BORCS5: variants seen among roughly 807,000 people sequenced by gnomAD.
BORCS5 encodes the protein BLOC-1 related complex subunit 5, also known as BLOC-1-related complex subunit 5.
A neutral mutation model predicts 22.1 loss-of-function variants in BORCS5; 17 were observed. That is an observed-to-expected ratio of 0.77 (90% confidence interval 0.53 to 1.15). The LOEUF (loss-of-function observed/expected upper bound fraction) is 1.15. Ranked by LOEUF, BORCS5 falls within the 50% of genes most tolerant of loss-of-function variation. The pLI is 0.00. For missense variants in BORCS5, 247 were observed against 253.2 expected (o/e 0.98, Z 0.17); for synonymous variants, 117 against 99.8 (o/e 1.17, Z -1.03).
At chr12:12,441,016 A>T (rs867101638) in intron 3 of BORCS5, among the ~76,000 whole-genome samples, 2 of 152,166 alleles carry the variant, frequency 1.3e-5, no homozygotes, top group Admixed American at 6.5e-5. Context: ...AAGATCAAAG[A>T]TGAAGGAGAA....
chr12:12,358,009 C>T (rs1383859212), intron 1 of BORCS5, among the ~76,000 whole-genome samples: 1 of 152,206 alleles, frequency 6.6e-6, no homozygotes, highest in African/African-American at 2.4e-5. Flanking sequence ...GGTCCGTTTT[C>T]TAATCTTGTA....
chr12:12,441,377 G>C (rs76780639), intron 3 of BORCS5, among the ~76,000 whole-genome samples: 7,413 of 152,242 alleles, frequency 0.049, 604 homozygotes, highest in African/African-American at 0.17. Context: ...CTGACTACCT[G>C]TGTGACCTCA....
intron 2 of BORCS5, among the ~76,000 whole-genome samples, chr12:12,434,764 T>C (rs557093686): frequency 1.3e-5 from 2 of 152,376 alleles, no homozygotes; most frequent in African/African-American, 4.8e-5. Flanking sequence ...ATGTTCTCAG[T>C]TTTAATTTTT....
At chr12:12,455,624 T>C (rs369467743) in intron 3 of BORCS5, among the ~76,000 whole-genome samples, 87 of 152,064 alleles carry the variant, frequency 5.7e-4, no homozygotes, top group African/African-American at 2.0e-3. Flanking sequence ...ACTAAAAATA[T>C]AAAAATTAGC....
Position 12,383,605 on chromosome 12 carries a change from T to G in BORCS5, c.202+22256T>G, listed in dbSNP as rs575152878. 6.8e-4 allele frequency among the ~76,000 whole-genome samples: 100 copies of G among 147,530 alleles called. 1 individual carries two copies. The highest frequency in any genetic ancestry group is 6.6e-3 in the South Asian group (31 of 4,712). ...TGTTTATCTAGGAATGTCTTTGTCT[T>G]TTTTTTTTTTGAGGGATAAATTTGA... On this transcript the variant is annotated intron_variant, in intron 2 of 3. Transcript: ENST00000314565.
chr12:12,388,494 A>G (rs1275539392), intron 2 of BORCS5, among the ~76,000 whole-genome samples: 1 of 151,506 alleles, frequency 6.6e-6, no homozygotes, highest in East Asian at 1.9e-4. Context: ...AGGAAGATAA[A>G]TCTCATTATA....
At chr12:12,456,973 G>GT in intron 3 of BORCS5, among the ~76,000 whole-genome samples, 1 of 152,000 alleles carries the variant, frequency 6.6e-6, no homozygotes, top group Non-Finnish European at 1.5e-5. Flanking sequence ...TAGATATGTT[G>GT]TGTCTATTTG....
intron 2 of BORCS5, among the ~76,000 whole-genome samples, chr12:12,409,765 A>T (rs1243343888): frequency 2.0e-5 from 3 of 151,710 alleles, no homozygotes; most frequent in Non-Finnish European, 3.0e-5. Context: ...TGGCTGGGTC[A>T]AATGGTATTT....
chr12:12,428,753 G>GA (rs142211451), intron 2 of BORCS5, among the ~76,000 whole-genome samples: 10,767 of 151,658 alleles, frequency 0.071, 563 homozygotes, highest in East Asian at 0.23. Flanking sequence ...CTCAGCAAAA[G>GA]AAAAAAAATT....
At chr12:12,393,731 G>T (rs1376194998) in intron 2 of BORCS5, among the ~76,000 whole-genome samples, 3 of 4,908 alleles carry the variant, frequency 6.1e-4, no homozygotes, top group African/African-American at 3.4e-3. Flanking sequence ...TGTTGGCCAG[G>T]CTGTTCTTGA....
rs919960080 is a variant in BORCS5, at chr12:12,357,292, T to C, written c.-160T>C. 62 of 1,455,534 alleles carry C rather than the reference T, an allele frequency of 4.3e-5. No individual in the cohort carries two copies. The highest frequency in any genetic ancestry group is 5.6e-5 in the Non-Finnish European group (62 of 1,103,822). 90.2% of individuals were successfully genotyped at this position (1,455,534 alleles called of 1,614,324 possible). A position where few individuals can be genotyped will look rare whatever the true frequency, so the allele number is the denominator to read the frequency against. On this transcript the variant is annotated 5_prime_UTR_variant, in exon 1 of 4. Transcript: ENST00000314565. ...CTCCTTCTCCCGCCGCCCAGGCCCC[T>C]GCGTGGGCTGGACGCGTCAGCCCCA...
At chr12:12,395,435 A>ATT (rs59277387) in intron 2 of BORCS5, among the ~76,000 whole-genome samples, 1,126 of 107,834 alleles carry the variant, frequency 0.01, 16 homozygotes, top group Non-Finnish European at 0.014. Context: ...CACCCAGCTA[A>ATT]TTTTTTTTTT....
chr12:12,458,601 GAC>G (rs1943041344), intron 3 of BORCS5, among the ~76,000 whole-genome samples: 1 of 132,752 alleles, frequency 7.5e-6, no homozygotes, highest in Admixed American at 7.8e-5. Context: ...TCTTTTTTGA[GAC>G]AGTCTCGCTC....
chr12:12,410,300 C>G (rs1810969420), intron 2 of BORCS5, among the ~76,000 whole-genome samples: 1 of 152,108 alleles, frequency 6.6e-6, no homozygotes, highest in Non-Finnish European at 1.5e-5. Context: ...AAGTCCTTGC[C>G]CATGCCTATG....
chr12:12,405,528 G>A (rs915935810), intron 2 of BORCS5, among the ~76,000 whole-genome samples: 6 of 152,032 alleles, frequency 3.9e-5, no homozygotes, highest in Non-Finnish European at 8.8e-5. Flanking sequence ...TACTTACTTA[G>A]TATAGGGGAT....
In BORCS5 at chr12:12,401,934, T is replaced by C. The variant is rs547147177; in HGVS notation, c.203-33694T>C. On this transcript the variant is annotated intron_variant, in intron 2 of 3. Transcript: ENST00000314565. Reference sequence around the variant, plus strand: ...CAAAAAAATTAGCTGGGCTTGGTGGTGGGCGCCTGTAGTCCCAGCTACTCA... The same window carrying C: ...CAAAAAAATTAGCTGGGCTTGGTGGCGGGCGCCTGTAGTCCCAGCTACTCA... 4.8e-3 allele frequency among the ~76,000 whole-genome samples: 723 copies of C among 151,220 alleles called. 8 individuals carry two copies. Among genetic ancestry groups the C allele is most frequent in the African/African-American group, 0.015 (605 of 41,248 alleles).
chr12:12,417,431 T>G (rs1172882725), intron 2 of BORCS5, among the ~76,000 whole-genome samples: 4 of 152,182 alleles, frequency 2.6e-5, no homozygotes, highest in Non-Finnish European at 5.9e-5. Context: ...AGAATGTGTA[T>G]TCTGTTGTTA....
chr12:12,432,261 C>T lies in BORCS5; in HGVS notation c.203-3367C>T, dbSNP rs144181571. 9.0e-3 allele frequency among the ~76,000 whole-genome samples: 1,376 copies of T among 152,268 alleles called. 12 individuals carry two copies. The highest frequency in any genetic ancestry group is 0.014 in the Non-Finnish European group (973 of 68,016). ...TGTTAATGGCACAAAATCGTTCATT[C>T]CTTTTTCCATGGTGCCTCCTTCCTC... On this transcript the variant is annotated intron_variant, in intron 2 of 3. Transcript: ENST00000314565.
At chr12:12,438,360 C>CAAAAAAAAAAAAAAAAA (rs57737663) in intron 3 of BORCS5, among the ~76,000 whole-genome samples, 5 of 23,804 alleles carry the variant, frequency 2.1e-4, no homozygotes, top group Non-Finnish European at 3.4e-4. Flanking sequence ...GATTTCATCT[C>CAAAAAAAAAAAAAAAAA]AAAAAAAAAA....
Sources: gnomAD v4.1 joint callset for allele counts (sites outside exome capture counted in the v4.1 genomes callset) on GRCh38, gnomAD v4.1.1 for gene constraint, MANE v1.5 for transcripts, NCBI Gene and HGNC (gene_info 2026-07-23, HGNC 2026-07-21) for gene names.